The following STAB2 variants were observed in gnomAD, a reference collection of about 807,000 sequenced individuals.
STAB2 encodes the protein stabilin-2.
In STAB2, 288 loss-of-function variants were observed where a neutral mutation model predicts 338.1. That is an observed-to-expected ratio of 0.85 (90% CI 0.77 to 0.94). The LOEUF (loss-of-function observed/expected upper bound fraction) is 0.94. STAB2 is among the 40% of genes least tolerant of loss of function. The pLI, the probability that STAB2 is intolerant of heterozygous loss-of-function variation, is 0.00. For missense variants in STAB2, 3,141 were observed against 3,210.1 expected, an observed-to-expected ratio of 0.98 and a Z score of 0.52; for synonymous variants, 1,202 against 1,193.3, an observed-to-expected ratio of 1.01 and a Z score of -0.15.
At chr12:103,673,493 C>T (rs1470235971) in intron 22 of STAB2, among the ~76,000 whole-genome samples, 2 of 151,948 alleles carry the variant, frequency 1.3e-5, no homozygotes, top group East Asian at 1.9e-4. Context: ...GGACCACAAG[C>T]ACACACCATC....
intron 11 of STAB2, 80 bp from the exon 12 acceptor site, chr12:103,652,476 G>A (rs764493844): frequency 1.0e-5 from 14 of 1,356,104 alleles, no homozygotes; most frequent in Non-Finnish European, 1.4e-5. Flanking sequence ...TGATGTCTTT[G>A]ATAATAAGTA....
intron 40 of STAB2, 40 bp downstream of exon 40, chr12:103,711,556 G>A (rs1251423616): frequency 6.2e-7 from 1 of 1,609,164 alleles, no homozygotes; most frequent in Admixed American, 1.7e-5. Flanking sequence ...AGTGTAAAGG[G>A]GATTTTTTCC....
At position 103,758,226 on chromosome 12, in the gene STAB2, G is replaced by T. The variant is rs1884279746; in HGVS notation, c.7044G>T (p.Leu2348=). 16 of 1,614,144 alleles carry T rather than the reference G, an allele frequency of 9.9e-6. No homozygotes were observed. Among genetic ancestry groups the T allele is most frequent in the Non-Finnish European group, 1.4e-5 (16 of 1,180,036 alleles). ...GAGGCCGTGCATTTCTAGAACACCT[G>T]ACTGACCTGTCCATCCGCGGCACCC... ...SARGRAFLEH[L]TDLSIRGTLF... is the part of the protein sequence containing the mutation. Residue 2348 remains leucine, a synonymous_variant, in exon 64 of 69, where the codon CTG becomes CTT. Transcript: ENST00000388887.
intron 3 of STAB2, among the ~76,000 whole-genome samples, chr12:103,618,195 A>C (rs1176000480): frequency 6.6e-6 from 1 of 152,200 alleles, no homozygotes; most frequent in Non-Finnish European, 1.5e-5. Flanking sequence ...TTGTATTAAA[A>C]GGTAAAAGTC....
chr12:103,744,016 A>G (rs1419424034), intron 56 of STAB2, among the ~76,000 whole-genome samples: 2 of 152,198 alleles, frequency 1.3e-5, no homozygotes, highest in African/African-American at 2.4e-5. Context: ...TCTGTAGGAG[A>G]ACAGGCACAG....
intron 9 of STAB2, among the ~76,000 whole-genome samples, chr12:103,641,101 C>A (rs981662955): frequency 6.6e-6 from 1 of 152,206 alleles, no homozygotes; most frequent in Admixed American, 6.5e-5. Flanking sequence ...CCATTGTGAG[C>A]TCAAAACCAC....
At chr12:103,715,681 C>G (rs1415932394) in intron 42 of STAB2, 134 bp from the exon 43 acceptor site, 1 of 950,642 alleles carries the variant, frequency 1.1e-6, no homozygotes, top group Non-Finnish European at 1.6e-6. Flanking sequence ...TGTCTCAGAA[C>G]TTCCAGAAAA....
At chr12:103,746,855 G>A (rs1464142694) in intron 58 of STAB2, 151 bp downstream of exon 58, 2 of 725,696 alleles carry the variant, frequency 2.8e-6, no homozygotes, top group East Asian at 5.3e-5. Flanking sequence ...TTCTTTAATG[G>A]GTGTGCTCAT....
rs1883339529 is a variant in STAB2 at position 103,749,044 on chromosome 12, G to C, written c.6326G>C (p.Ser2109Thr). Residue 2109 changes from serine (S) to threonine (T), a missense_variant, in exon 59 of 69, where the codon AGC becomes ACC. Transcript: ENST00000388887. ...CAGAAGGGCACGAAGGTCTCCTGCA[G>C]CTGCCAGAAGGGATACAAAGGGGAC... ...CSQKGTKVSC[S>T]CQKGYKGDGH... The C allele has an allele frequency of 6.2e-7, 1 of 1,614,052 alleles. No homozygotes were observed. The highest frequency in any genetic ancestry group is 1.3e-5 in the African/African-American group (1 of 74,934).
At chr12:103,599,610 A>G (rs1287351030) in intron 3 of STAB2, among the ~76,000 whole-genome samples, 1 of 152,246 alleles carries the variant, frequency 6.6e-6, no homozygotes, top group African/African-American at 2.4e-5. Context: ...TCTGCAAACA[A>G]TATTAGGGAT....
intron 36 of STAB2, among the ~76,000 whole-genome samples, chr12:103,705,412 T>G (rs189822197): frequency 6.0e-4 from 92 of 152,348 alleles, no homozygotes; most frequent in African/African-American, 2.1e-3. Context: ...GGAGTACTAC[T>G]TTAAAGTATA....
intron 3 of STAB2, among the ~76,000 whole-genome samples, chr12:103,608,569 GTA>G (rs1416801231): frequency 6.6e-6 from 1 of 152,166 alleles, no homozygotes; most frequent in East Asian, 1.9e-4. Flanking sequence ...TGAGTTCTTT[GTA>G]GATTCTGGAT....
intron 2 of STAB2, among the ~76,000 whole-genome samples, chr12:103,593,578 A>G (rs1956831559): frequency 6.6e-6 from 1 of 152,048 alleles, no homozygotes; most frequent in Non-Finnish European, 1.5e-5. Flanking sequence ...AAAAAAGTCA[A>G]CTCTATCCCC....
chr12:103,627,114 G>C (rs574233478), intron 5 of STAB2, among the ~76,000 whole-genome samples: 118 of 152,330 alleles, frequency 7.7e-4, no homozygotes, highest in African/African-American at 2.7e-3. Context: ...TGAAGAAGCA[G>C]AGAGGGTTGC....
intron 9 of STAB2, among the ~76,000 whole-genome samples, chr12:103,645,804 G>A (rs12319272): frequency 0.015 from 2,263 of 152,028 alleles, 53 homozygotes; most frequent in African/African-American, 0.052. Context: ...GTTGTGAGGG[G>A]CTGGGCTGTG....
At chr12:103,593,180 A>G in intron 2 of STAB2, among the ~76,000 whole-genome samples, 1 of 152,158 alleles carries the variant, frequency 6.6e-6, no homozygotes, top group East Asian at 1.9e-4. Context: ...TGGATATATA[A>G]CCAGAAGTAG....
intron 18 of STAB2, among the ~76,000 whole-genome samples, chr12:103,663,576 G>A (rs1237497800): frequency 1.3e-5 from 2 of 152,044 alleles, no homozygotes; most frequent in African/African-American, 4.8e-5. Flanking sequence ...TCAAACTCCT[G>A]GACTTAAGCG....
At chr12:103,730,662 A>G (rs188028295) in intron 49 of STAB2, among the ~76,000 whole-genome samples, 5 of 152,352 alleles carry the variant, frequency 3.3e-5, no homozygotes, top group Admixed American at 3.3e-4. Context: ...AAGTTTCTTG[A>G]GATAGTAGAT....
chr12:103,703,561 T>A (rs1329474689), intron 35 of STAB2, among the ~76,000 whole-genome samples: 4 of 151,998 alleles, frequency 2.6e-5, no homozygotes, highest in Non-Finnish European at 5.9e-5. Flanking sequence ...GGGAGTGGTG[T>A]GCTGTGTTGG....
Sources: gnomAD v4.1 joint callset for allele counts (sites outside exome capture counted in the v4.1 genomes callset) on GRCh38, gnomAD v4.1.1 for gene constraint, MANE v1.5 for transcripts, NCBI Gene and HGNC (gene_info 2026-07-23, HGNC 2026-07-21) for gene names.